Variants in FRAS1 observed in about 807,000 individuals in gnomAD.
FRAS1 encodes the protein extracellular matrix organizing protein FRAS1.
Under a neutral mutation model 435.2 loss-of-function variants are expected in FRAS1, and 290 were observed. The observed-to-expected ratio is 0.67, with a 90% CI of 0.61 to 0.73. The LOEUF is 0.73. FRAS1 is among the 30% of genes least tolerant of loss of function. FRAS1 has a pLI of 0.00. For missense variants in FRAS1, 4,860 were observed against 5,001.5 expected, an observed-to-expected ratio of 0.97 and a Z score of 0.85; for synonymous variants, 1,800 against 1,851.0, an observed-to-expected ratio of 0.97 and a Z score of 0.71.
At chr4:78,429,024 T>G (rs1734104772) in intron 35 of FRAS1, 71 bp from the exon 36 acceptor site, 1 of 1,472,970 alleles carries the variant, frequency 6.8e-7, no homozygotes, top group African/African-American at 1.4e-5. Context: ...ACAAGTTGAT[T>G]CGTGTGTGTG....
At chr4:78,386,534 G>C (rs1223990554) in intron 28 of FRAS1, among the ~76,000 whole-genome samples, 4 of 152,118 alleles carry the variant, frequency 2.6e-5, no homozygotes, top group African/African-American at 7.2e-5. Context: ...GAGGGTGCTT[G>C]GGTAGTTTTA....
chr4:78,066,097 C>T (rs1578101329), intron 2 of FRAS1, 81 bp downstream of exon 2: 6 of 930,756 alleles, frequency 6.4e-6, no homozygotes, highest in Non-Finnish European at 1.1e-5. Context: ...GTGAGTTGAC[C>T]CTATCATTGT....
At chr4:78,475,339 C>A in intron 53 of FRAS1, 99 bp from the exon 54 acceptor site, 4 of 1,319,356 alleles carry the variant, frequency 3.0e-6, no homozygotes, top group Non-Finnish European at 4.3e-6. Flanking sequence ...CTCTGACTAC[C>A]TAATGCCAAG....
intron 62 of FRAS1, 51 bp downstream of exon 62, chr4:78,507,659 G>C: frequency 6.7e-7 from 1 of 1,492,212 alleles, no homozygotes. Flanking sequence ...GTGACTAGTA[G>C]ATGAGAACTG....
intron 23 of FRAS1, 106 bp downstream of exon 23, chr4:78,370,090 T>C (rs1731441563): frequency 9.7e-7 from 1 of 1,034,842 alleles, no homozygotes. Context: ...TCATATATTT[T>C]GACTGTCTCT....
At chr4:78,222,650 G>A (rs375414455) in intron 2 of FRAS1, among the ~76,000 whole-genome samples, 2 of 152,096 alleles carry the variant, frequency 1.3e-5, no homozygotes, top group African/African-American at 2.4e-5. Context: ...TATCTCTGAC[G>A]CGCCATTTAA....
In FRAS1 at chr4:78,174,966, C is replaced by A. The variant is rs531684249; in HGVS notation, c.109-62544C>A. Among the ~76,000 whole-genome samples the A allele has an allele frequency of 2.6e-5, 4 of 152,322 alleles. No homozygotes were observed. The South Asian group carries it at 8.3e-4, about 32-fold the overall frequency. ...TGCACAGGCTGCGGTATTATTGAGG[C>A]AGAAAGGCATTACTGTATTCAGTAA... On this transcript the variant is annotated intron_variant, in intron 2 of 73. Coordinates refer to ENST00000512123, the MANE Select transcript of FRAS1 (RefSeq NM_025074.7).
intron 6 of FRAS1, among the ~76,000 whole-genome samples, chr4:78,263,346 T>C (rs1012847300): frequency 6.6e-6 from 1 of 152,200 alleles, no homozygotes; most frequent in African/African-American, 2.4e-5. Flanking sequence ...TTTTGATCAA[T>C]ACAATGTATA....
Position 78,267,394 on chromosome 4 carries a change from T to G in FRAS1, c.943T>G (p.Cys315Gly). 6.8e-6 allele frequency: 11 copies of G among 1,613,976 alleles called. No individual in the cohort carries two copies. Among genetic ancestry groups the G allele is most frequent in the Non-Finnish European group, 9.3e-6 (11 of 1,179,884 alleles). ...FCMCDHGQVT[C>G]QTGECAKVEC... ...CATGTGTGATCATGGCCAAGTGACC[T>G]GCCAGACTGGAGAGTGTGCCAAAGT... Residue 315 changes from cysteine to glycine, a missense_variant, in exon 9 of 74, where the codon TGC becomes GGC. Transcript: ENST00000512123.
intron 3 of FRAS1, among the ~76,000 whole-genome samples, chr4:78,242,536 A>G (rs1011339231): frequency 6.6e-6 from 1 of 152,176 alleles, no homozygotes; most frequent in Admixed American, 6.5e-5. Flanking sequence ...CTCGGGTTCA[A>G]GTGATTCTCC....
At chr4:78,498,000 A>G (rs979976551) in intron 60 of FRAS1, among the ~76,000 whole-genome samples, 12 of 152,208 alleles carry the variant, frequency 7.9e-5, no homozygotes, top group Non-Finnish European at 8.8e-5. Flanking sequence ...ACAGACAACC[A>G]AACACCACAT....
chr4:78,464,499 A>T lies in FRAS1; in HGVS notation c.6945A>T (p.Val2315=), dbSNP rs1719466990. The T allele has an allele frequency of 7.4e-6, 12 of 1,613,978 alleles. No individual in the cohort carries two copies. Among genetic ancestry groups the T allele is most frequent in the Non-Finnish European group, 1.0e-5 (12 of 1,179,862 alleles). ...CTGTCGATGATTCGCTGCCCGTCGTACAGAACTTAGGAATGCGGGTGCAGG... is the reference window on the plus strand; with the variant it reads ...CTGTCGATGATTCGCTGCCCGTCGTTCAGAACTTAGGAATGCGGGTGCAGG... The part of the protein sequence containing the change: ...LHPVDDSLPV[V]QNLGMRVQEG... Residue 2315 remains valine (V), a synonymous_variant, in exon 49 of 74, where the codon GTA becomes GTT. Transcript: ENST00000512123.
At chr4:78,158,049 T>C (rs1009088945) in intron 2 of FRAS1, among the ~76,000 whole-genome samples, 2 of 152,220 alleles carry the variant, frequency 1.3e-5, no homozygotes, top group African/African-American at 2.4e-5. Context: ...TTTGCACCAG[T>C]ACCAGCATGG....
At chr4:78,534,029 T>C (rs1721803503) in intron 70 of FRAS1, among the ~76,000 whole-genome samples, 1 of 152,104 alleles carries the variant, frequency 6.6e-6, no homozygotes, top group Admixed American at 6.5e-5. Context: ...GAGTATCGCC[T>C]AGCAAGTCCT....
At chr4:78,273,547 C>T (rs536594450) in intron 9 of FRAS1, among the ~76,000 whole-genome samples, 10 of 152,114 alleles carry the variant, frequency 6.6e-5, no homozygotes, top group Admixed American at 2.6e-4. Flanking sequence ...TTGTCAAAGG[C>T]GTTTTCTGCA....
chr4:78,501,279 C>T (rs1000951886), intron 61 of FRAS1, among the ~76,000 whole-genome samples: 5 of 152,166 alleles, frequency 3.3e-5, no homozygotes, highest in African/African-American at 4.8e-5. Context: ...ATCCATGTCC[C>T]TGCAAATGAC....
intron 2 of FRAS1, among the ~76,000 whole-genome samples, chr4:78,162,227 A>C (rs17327): frequency 1.3e-5 from 2 of 152,158 alleles, no homozygotes. Context: ...TTATTCCTAT[A>C]CCTGAAAGGA....
At chr4:78,391,882 A>G (rs1486674066) in intron 29 of FRAS1, among the ~76,000 whole-genome samples, 1 of 152,154 alleles carries the variant, frequency 6.6e-6, no homozygotes, top group East Asian at 1.9e-4. Context: ...TAATAGTGAC[A>G]TTTATGAGAG....
chr4:78,397,587 T>C (rs370652987), intron 29 of FRAS1, among the ~76,000 whole-genome samples: 1 of 152,110 alleles, frequency 6.6e-6, no homozygotes, highest in East Asian at 1.9e-4. Context: ...AGGTGAGGTA[T>C]CTTACAGAAT....
Sources: allele counts gnomAD v4.1 joint callset (sites outside exome capture counted in the v4.1 genomes callset), GRCh38; gene constraint gnomAD v4.1.1; transcripts MANE v1.5; gene names NCBI Gene and HGNC (gene_info 2026-07-23, HGNC 2026-07-21).